The following SRP19 variants were observed in gnomAD, a reference collection of about 807,000 sequenced individuals.
The protein encoded by SRP19 is signal recognition particle 19.
A neutral mutation model predicts 22.4 loss-of-function variants in SRP19; 11 were observed. That is an observed-to-expected ratio of 0.49 (90% CI 0.31 to 0.81). SRP19 has a LOEUF of 0.81. Among genes scored for constraint, SRP19 ranks in the 40% least tolerant of loss-of-function variants. The pLI is 0.05. For synonymous variants in SRP19, 61 were observed against 57.6 expected (o/e 1.06, Z -0.27); for missense variants, 168 against 175.9 (o/e 0.96, Z 0.25).
downstream of SRP19, chr5:112,895,281 T>C (rs1334047178): frequency 1.3e-5 from 2 of 148,314 alleles, no homozygotes; most frequent in Non-Finnish European, 3.0e-5. Flanking sequence ...GGGTGTGTTT[T>C]ATGACTTTAG....
chr5:112,893,068 C>A (rs459102), exon 5 of SRP19: 434,704 of 1,119,448 alleles, frequency 0.39, 90,376 homozygotes, highest in African/African-American at 0.79. Context: ...TCAGAGTCCC[C>A]AATCCAAATA....
rs181377945 is a variant in SRP19, at chr5:112,882,093, G to A, written c.302-9510G>A. 2.6e-5 allele frequency: 4 copies of A among 153,900 alleles called. No homozygotes were observed. The East Asian group carries it at 7.7e-4, about 30-fold the overall frequency. 9.5% of individuals were successfully genotyped at this position (153,900 alleles called of 1,614,324 possible). A position where few individuals can be genotyped will look rare whatever the true frequency, so the allele number is the denominator to read the frequency against. The stretch of plus-strand genomic sequence containing the variant: ...ACCTACTACTCCTATTTTAATTATT[G>A]ATGATTTTAATATCCATGTAGACAT... On this transcript the variant is annotated intron_variant, in intron 4 of 4. Transcript: ENST00000391338.
chr5:112,889,929 C>T (rs573053074), intron 4 of SRP19, among the ~76,000 whole-genome samples: 5 of 149,820 alleles, frequency 3.3e-5, no homozygotes, highest in South Asian at 2.1e-4. Context: ...CGGATTCAAG[C>T]GATTCTCCTG....
intron 4 of SRP19, 127 bp from the exon 5 acceptor site, chr5:112,867,277 A>T: frequency 8.6e-7 from 1 of 1,165,758 alleles, no homozygotes; most frequent in South Asian, 2.1e-5. Context: ...TTGATTTTTG[A>T]TTTTTTAAAA....
At chr5:112,869,859 A>G (rs1767719535), downstream of SRP19, 1 of 152,358 alleles carries the variant, frequency 6.6e-6, no homozygotes, top group Non-Finnish European at 1.5e-5. Flanking sequence ...CTTCCCAGCA[A>G]TGCGGAACTG....
At chr5:112,891,837 G>T (rs1768464321) in exon 5 of SRP19, 1 of 1,559,510 alleles carries the variant, frequency 6.4e-7, no homozygotes, top group African/African-American at 1.4e-5. Context: ...TAGAAGAAGA[G>T]AAGCTATTGG....
At chr5:112,876,245 G>A (rs756198045) in intron 4 of SRP19, 3 of 152,118 alleles carry the variant, frequency 2.0e-5, no homozygotes, top group Non-Finnish European at 4.4e-5. Context: ...GAACCACCAG[G>A]AGAAAACTAC....
chr5:112,887,998 T>G (rs1768313100), intron 4 of SRP19, among the ~76,000 whole-genome samples: 1 of 152,220 alleles, frequency 6.6e-6, no homozygotes, highest in African/African-American at 2.4e-5. Flanking sequence ...CTAGAAAGTT[T>G]AATAAACAAT....
chr5:112,864,719 A>G lies in SRP19; in HGVS notation c.288A>G (p.Val96=). The G allele has an allele frequency of 6.2e-7, 1 of 1,613,140 alleles. No homozygotes were observed. The highest frequency in any genetic ancestry group is 1.1e-5 in the South Asian group (1 of 90,912). ...AGGAAGATGGGAGCCTCTGCCTTGT[A>G]CAGTTCCCATCACGTAAGCTTGTTT... ...LKQEDGSLCL[V]QFPSRKSVML... is the part of the protein sequence containing the mutation. Residue 96 remains valine, a synonymous_variant, in exon 4 of 5, where the codon GTA becomes GTG. Coordinates refer to ENST00000505459, the MANE Select transcript of SRP19 (RefSeq NM_003135.3).
chr5:112,891,854 A>G (rs1299432883), exon 5 of SRP19: 4 of 1,524,902 alleles, frequency 2.6e-6, no homozygotes, highest in Non-Finnish European at 3.6e-6. Flanking sequence ...TTGGAAAGAG[A>G]GAGGGAAAGA....
At chr5:112,895,837 C>G (rs1561653181), downstream of SRP19, 1 of 152,200 alleles carries the variant, frequency 6.6e-6, no homozygotes, top group Non-Finnish European at 1.5e-5. Flanking sequence ...AAGCTGCCCT[C>G]AAAGTGCCAG....
intron 4 of SRP19, among the ~76,000 whole-genome samples, chr5:112,883,449 C>A (rs1768137766): frequency 1.3e-5 from 2 of 152,300 alleles, no homozygotes; most frequent in Admixed American, 1.3e-4. Flanking sequence ...CCCAGGGATA[C>A]CACACGCTCA....
At chr5:112,877,395 T>C (rs1447870071) in intron 4 of SRP19, 3 of 152,188 alleles carry the variant, frequency 2.0e-5, no homozygotes, top group African/African-American at 4.8e-5. Context: ...AAAAGGACTC[T>C]TAACAGTATG....
chr5:112,877,627 A>G (rs1213885986), intron 4 of SRP19: 1 of 152,184 alleles, frequency 6.6e-6, no homozygotes, highest in Non-Finnish European at 1.5e-5. Context: ...GGCCAGAGAA[A>G]AACTGAAGAT....
At chr5:112,892,156 G>T in exon 5 of SRP19, 1 of 1,614,190 alleles carries the variant, frequency 6.2e-7, no homozygotes, top group Non-Finnish European at 8.5e-7. Flanking sequence ...AATGGAGAAG[G>T]ATCGAGCTAA....
chr5:112,890,756 G>T (rs987618759), intron 4 of SRP19, among the ~76,000 whole-genome samples: 1 of 150,712 alleles, frequency 6.6e-6, no homozygotes, highest in African/African-American at 2.5e-5. Context: ...AGTATATAGA[G>T]AGTAACAGGA....
chr5:112,862,425 G>A, intron 1 of SRP19, 83 bp from the exon 2 acceptor site: 1 of 1,121,202 alleles, frequency 8.9e-7, no homozygotes, highest in Non-Finnish European at 1.4e-6. Context: ...AGCATGAATT[G>A]GCCTTTGGTT....
chr5:112,874,404 C>A (rs1767849101), downstream of SRP19, among the ~76,000 whole-genome samples: 1 of 152,150 alleles, frequency 6.6e-6, no homozygotes, highest in African/African-American at 2.4e-5. Flanking sequence ...TGGGTCTCAA[C>A]CCTGGCTCCA....
rs1323363195 is a variant in SRP19 at position 112,868,197 on chromosome 5, A to G, written c.*660A>G. ...GAACATGATTTTCATGGGAGTTGTA[A>G]AATTAACTGTGCTTTAGCACCTTGA... On this transcript the variant is annotated 3_prime_UTR_variant, in exon 5 of 5. Coordinates refer to ENST00000505459, the MANE Select transcript of SRP19 (RefSeq NM_003135.3). 1 of 985,292 alleles carries G rather than the reference A, an allele frequency of 1.0e-6. No homozygotes were observed. The highest frequency in any genetic ancestry group is 1.2e-6 in the Non-Finnish European group (1 of 829,950). The allele number at this position is 985,292 out of a possible 1,614,324, so 61.0% of individuals were successfully genotyped here.
Sources: gnomAD v4.1 joint callset for allele counts (sites outside exome capture counted in the v4.1 genomes callset) on GRCh38, gnomAD v4.1.1 for gene constraint, MANE v1.5 for transcripts, NCBI Gene and HGNC (gene_info 2026-07-23, HGNC 2026-07-21) for gene names.